The following SCN9A variants were observed in gnomAD, a reference collection of about 807,000 sequenced individuals.
The protein encoded by SCN9A is sodium channel protein type 9 subunit alpha.
Under a neutral mutation model 187.0 loss-of-function variants are expected in SCN9A, and 131 were observed. The ratio of observed to expected loss-of-function variants is 0.70; its 90% CI spans 0.61 to 0.81. SCN9A has a LOEUF of 0.81. SCN9A is among the 30% of genes least tolerant of loss of function. The pLI is 0.00. For synonymous variants in SCN9A, 809 were observed against 808.6 expected (o/e 1.00, Z -0.01); for missense variants, 2,252 against 2,396.6 (o/e 0.94, Z 1.26).
Position 166,195,744 on chromosome 2 carries a change from C to G in SCN9A, c.*2928G>C, listed in dbSNP as rs199559478. 1 of 152,070 alleles carries G rather than the reference C, an allele frequency of 6.6e-6. No homozygotes were observed. Among genetic ancestry groups the G allele is most frequent in the Non-Finnish European group, 1.5e-5 (1 of 68,012 alleles). The allele number at this position is 152,070 out of a possible 1,614,324, so 9.4% of individuals were successfully genotyped here. A position where few individuals can be genotyped will look rare whatever the true frequency, so the allele number is the denominator to read the frequency against. On this transcript the variant is annotated 3_prime_UTR_variant, in exon 27 of 27. Coordinates refer to ENST00000642356, the MANE Select transcript of SCN9A (RefSeq NM_001365536.1). ...AAAATTAGGTTCTCTAATTTTCATC[C>G]GAAAGATTTGTGTTCAAACCTGTTT...
chr2:166,354,141 C>T (rs1488164313), intron 1 of SCN9A, among the ~76,000 whole-genome samples: 1 of 152,020 alleles, frequency 6.6e-6, no homozygotes, highest in Non-Finnish European at 1.5e-5. Flanking sequence ...ACATCAGAAA[C>T]GCTATCTTTA....
Position 166,262,073 on chromosome 2 carries a change from G to C in SCN9A, c.3352-10188C>G, listed in dbSNP as rs138604655. ...TTCATCAACAAGCCAGGGAGAGCTG[G>C]ATAAGTCTTAGTAGCACTAAGAACC... On this transcript the variant is annotated intron_variant, in intron 17 of 26. Coordinates refer to ENST00000642356, the MANE Select transcript of SCN9A (RefSeq NM_001365536.1). 5.3e-4 allele frequency among the ~76,000 whole-genome samples: 80 copies of C among 152,042 alleles called. No individual in the cohort carries two copies. In the East Asian group the frequency reaches 0.015, roughly 29 times the overall value.
intron 11 of SCN9A, 83 bp downstream of exon 11, chr2:166,286,253 C>T (rs1697734764): frequency 7.5e-7 from 1 of 1,327,582 alleles, no homozygotes; most frequent in Non-Finnish European, 1.0e-6. Flanking sequence ...ACTATCCTCT[C>T]CCGAGTTCTC....
intron 7 of SCN9A, chr2:166,301,699 C>T (rs1698561211): frequency 2.0e-5 from 3 of 150,636 alleles, no homozygotes; most frequent in Admixed American, 2.0e-4. Context: ...GTAAAATAAT[C>T]TACAATATTA....
Position 166,277,091 on chromosome 2 carries a change from G to A in SCN9A, c.2766C>T (p.Arg922=), listed in dbSNP as rs199653503. 257 of 1,613,968 alleles carry A rather than the reference G, an allele frequency of 1.6e-4. 3 individuals are homozygous for A. The African/African-American group carries it at 2.9e-3, about 19-fold the overall frequency. The stretch of plus-strand genomic sequence containing the variant: ...TCTCTATCCACTCTCCACACAGCAC[G>A]CGGAACACAATCAGGAAGGAGTGGA... ...DFFHSFLIVF[R]VLCGEWIETM... Residue 922 remains arginine, a synonymous_variant, in exon 16 of 27, where the codon CGC becomes CGT. Transcript: ENST00000642356.
chr2:166,200,299 G>A (rs1693446046), intron 26 of SCN9A, among the ~76,000 whole-genome samples: 1 of 151,130 alleles, frequency 6.6e-6, no homozygotes, highest in African/African-American at 2.4e-5. Context: ...GCCCGGCCAA[G>A]ACAGTTATTT....
chr2:166,204,149 A>G lies in SCN9A; in HGVS notation c.4580T>C (p.Leu1527Pro). Residue 1527 changes from leucine to proline, a missense_variant, in exon 26 of 27, where the codon CTC (leucine) becomes CCC (proline). Physicochemically the swap from Leu to Pro is moderately conservative, Grantham distance 98. This residue lies in a region of SCN9A where 368 missense variants were observed against 408.6 expected (regional missense o/e 0.90). Coordinates refer to ENST00000642356, the MANE Select transcript of SCN9A (RefSeq NM_001365536.1). The part of the protein sequence containing the change: ...FDISIMVLIC[L>P]NMVTMMVEKE... Reference sequence around the variant, plus strand: ...TTCTACCATCATGGTTACCATGTTGAGACAGATAAGAACCATGATACTAAT... The same window carrying G: ...TTCTACCATCATGGTTACCATGTTGGGACAGATAAGAACCATGATACTAAT... 1.2e-6 allele frequency: 2 copies of G among 1,611,886 alleles called. No homozygotes were observed. The highest frequency in any genetic ancestry group is 1.7e-6 in the Non-Finnish European group (2 of 1,178,304).
chr2:166,340,574 CTT>C (rs368926174), intron 1 of SCN9A, among the ~76,000 whole-genome samples: 1 of 62,790 alleles, frequency 1.6e-5, no homozygotes, highest in African/African-American at 1.2e-4. Flanking sequence ...TTCTTTCTTT[CTT>C]TCTTTCTTTC....
chr2:166,350,318 C>G (rs2105297206), intron 1 of SCN9A, among the ~76,000 whole-genome samples: 1 of 152,320 alleles, frequency 6.6e-6, no homozygotes, highest in African/African-American at 2.4e-5. Flanking sequence ...GGGCATTCTG[C>G]CTTTAACAGC....
chr2:166,210,578 TA>T (rs1191573027), intron 24 of SCN9A, among the ~76,000 whole-genome samples: 1,147 of 79,798 alleles, frequency 0.014, 16 homozygotes, highest in African/African-American at 0.05. Context: ...CAAGAAGAAA[TA>T]AAAAAAAAAA....
chr2:166,314,200 T>C (rs1699049325), intron 1 of SCN9A, among the ~76,000 whole-genome samples: 1 of 152,144 alleles, frequency 6.6e-6, no homozygotes, highest in African/African-American at 2.4e-5. Context: ...GCACATGCTG[T>C]TGAAAAAATT....
chr2:166,249,343 C>G (rs10930214), intron 18 of SCN9A: 101,081 of 151,932 alleles, frequency 0.67, 34,126 homozygotes, highest in Middle Eastern at 0.76. Flanking sequence ...TTGTTCACAG[C>G]TCCATCTCCC....
At chr2:166,325,540 T>TA (rs1289124862) in intron 1 of SCN9A, among the ~76,000 whole-genome samples, 1 of 152,090 alleles carries the variant, frequency 6.6e-6, no homozygotes, top group Non-Finnish European at 1.5e-5. Context: ...TATAATAGGC[T>TA]AAAAAAATAC....
chr2:166,321,585 T>C (rs901149949), intron 1 of SCN9A: 1 of 151,550 alleles, frequency 6.6e-6, no homozygotes, highest in African/African-American at 2.4e-5. Context: ...TCCGAGTCTC[T>C]ATTATGTTCA....
At chr2:166,238,376 AT>A in intron 19 of SCN9A, 109 bp from the exon 20 acceptor site, 1 of 737,226 alleles carries the variant, frequency 1.4e-6, no homozygotes. Flanking sequence ...GAAACATAAT[AT>A]TGACATGGGC....
intron 7 of SCN9A, among the ~76,000 whole-genome samples, chr2:166,299,278 G>A (rs987287889): frequency 6.8e-6 from 1 of 146,626 alleles, no homozygotes; most frequent in Non-Finnish European, 1.5e-5. Context: ...TGGGAGAATT[G>A]TCTACACATA....
intron 24 of SCN9A, among the ~76,000 whole-genome samples, chr2:166,211,078 A>AC (rs1694070022): frequency 6.6e-6 from 1 of 151,274 alleles, no homozygotes; most frequent in Non-Finnish European, 1.5e-5. Flanking sequence ...AAAAGAAAGA[A>AC]AGTCTCCACT....
At chr2:166,250,340 A>G (rs1487327858) in intron 18 of SCN9A, among the ~76,000 whole-genome samples, 1 of 152,122 alleles carries the variant, frequency 6.6e-6, no homozygotes, top group East Asian at 1.9e-4. Context: ...GAATCCTTGA[A>G]GAATAAGAAA....
Position 166,228,949 on chromosome 2 carries a change from T to C in SCN9A, c.3948A>G (p.Gly1316=). The change falls in exon 22 of 27, where the codon GGA becomes GGG. Residue 1316 remains glycine (G), a synonymous_variant. Transcript: ENST00000642356. ...GMRVVVNALI[G]AIPSIMNVLL... ...GCACATTCATGATGGAAGGAATTGC[T>C]CCTATGAGTGCATTCACAACGACCT... 1 of 1,613,436 alleles carries C rather than the reference T, an allele frequency of 6.2e-7. No individual in the cohort carries two copies. The highest frequency in any genetic ancestry group is 8.5e-7 in the Non-Finnish European group (1 of 1,179,502).
Sources: gnomAD v4.1 joint callset for allele counts (sites outside exome capture counted in the v4.1 genomes callset) on GRCh38, gnomAD v4.1.1 for gene constraint, gnomAD v4.1.1 regional missense constraint, MANE v1.5 for transcripts, NCBI Gene and HGNC (gene_info 2026-07-23, HGNC 2026-07-21) for gene names.